FBXW10: variants seen among roughly 807,000 people sequenced by gnomAD.
FBXW10 encodes the protein F-box/WD repeat-containing protein 10.
FBXW10 carries 68 observed loss-of-function variants against 113.1 expected under a neutral mutation model. The observed-to-expected ratio is 0.60, with a 90% CI of 0.49 to 0.74. FBXW10 has a LOEUF of 0.74. Ranked by LOEUF, FBXW10 falls within the 30% of genes least tolerant of loss-of-function variation. The pLI is 0.00. For missense variants in FBXW10, 753 were observed against 1,284.5 expected (o/e 0.59, Z 6.32); for synonymous variants, 289 against 481.6 (o/e 0.60, Z 5.24).
In FBXW10 at chr17:18,757,075, C is replaced by CAT. The variant is rs151027138; in HGVS notation, c.1232+931_1232+932dup. 4.1e-3 allele frequency among the ~76,000 whole-genome samples: 573 copies of CAT among 141,382 alleles called. 3 individuals carry two copies. The highest frequency in any genetic ancestry group is 6.8e-3 in the Non-Finnish European group (439 of 64,512). The allele number at this position is 141,382 out of a possible 152,430, so 92.8% of individuals were successfully genotyped here. The stretch of plus-strand genomic sequence containing the variant: ...ATATGTGTGTACATATACACACACA[C>CAT]ATATATATATACACATATACACATA... On this transcript the variant is annotated intron_variant, in intron 6 of 13. Coordinates refer to ENST00000395665, the MANE Select transcript of FBXW10 (RefSeq NM_001267585.2).
chr17:18,770,166 C>T (rs2035585594), intron 11 of FBXW10, 81 bp downstream of exon 11: 38 of 1,593,268 alleles, frequency 2.4e-5, no homozygotes, highest in Non-Finnish European at 3.3e-5. Flanking sequence ...GGATACCAGC[C>T]CTGGATTTGC....
intron 1 of FBXW10, among the ~76,000 whole-genome samples, chr17:18,747,086 G>A (rs1011296093): frequency 8.4e-4 from 127 of 151,944 alleles, no homozygotes; most frequent in African/African-American, 2.9e-3. Context: ...CACCACGCCC[G>A]GCTAATTTTT....
intron 6 of FBXW10, among the ~76,000 whole-genome samples, chr17:18,756,503 GTA>G (rs2035268295): frequency 6.6e-6 from 1 of 151,944 alleles, no homozygotes; most frequent in Non-Finnish European, 1.5e-5. Context: ...GCCAGAAAAT[GTA>G]TAGAGAAAGG....
intron 7 of FBXW10, among the ~76,000 whole-genome samples, chr17:18,760,671 C>T (rs1472492119): frequency 6.6e-6 from 1 of 151,934 alleles, no homozygotes; most frequent in Non-Finnish European, 1.5e-5. Flanking sequence ...GGCATGGTGG[C>T]ACATGCCTGT....
At chr17:18,756,476 GA>G (rs1178666820) in intron 6 of FBXW10, among the ~76,000 whole-genome samples, 1 of 151,658 alleles carries the variant, frequency 6.6e-6, no homozygotes, top group Admixed American at 6.6e-5. Flanking sequence ...ACGGTTATTG[GA>G]AAAAATCTTT....
At chr17:18,765,015 C>T (rs1389092913) in intron 8 of FBXW10, 152 bp downstream of exon 8, 46 of 1,539,176 alleles carry the variant, frequency 3.0e-5, no homozygotes, top group Non-Finnish European at 3.6e-5. Flanking sequence ...TTCCTTCCTT[C>T]CATCTATCAA....
In FBXW10 at chr17:18,779,206, TG is replaced by T; in HGVS notation, c.3069del (p.Trp1023Ter). 1 of 1,320,216 alleles carries T rather than the reference TG, an allele frequency of 7.6e-7. No individual in the cohort carries two copies. Among genetic ancestry groups the T allele is most frequent in the Non-Finnish European group, 1.1e-6 (1 of 940,852 alleles). The allele number at this position is 1,320,216 out of a possible 1,614,324, so 81.8% of individuals were successfully genotyped here. ...TCCAGGAAAAGTCAGCAAAGCTGCATGGATCAGGAAGATCAAAGGCCTGCCT... is the reference window on the plus strand; with the variant it reads ...TCCAGGAAAAGTCAGCAAAGCTGCATGATCAGGAAGATCAAAGGCCTGCCT... Reference protein sequence around the residue: ...VDPGKVSKAAWIRKIKGLPID... With the variant: ...VDPGKVSKAAXIRKIKGLPID... On this transcript the variant is annotated frameshift_variant, in exon 14 of 14. Transcript: ENST00000395665. LOFTEE classifies it high-confidence loss of function.
chr17:18,749,700 C>T (rs749985513), intron 2 of FBXW10, 22 bp from the exon 3 acceptor site: 1 of 1,613,920 alleles, frequency 6.2e-7, no homozygotes, highest in Non-Finnish European at 8.5e-7. Context: ...CAACCACGTA[C>T]CTTTCTCTGG....
chr17:18,744,827 C>T, intron 1 of FBXW10, 78 bp downstream of exon 1: 1 of 1,559,744 alleles, frequency 6.4e-7, no homozygotes, highest in Non-Finnish European at 8.7e-7. Flanking sequence ...TAAGGAACTG[C>T]AGTTGTAGAC....
rs367784732 is a variant in FBXW10, at chr17:18,770,099, G to T, written c.2006+14G>T. ...TCAGGGCAACAGGTGGGTGGTAGGT[G>T]TGGAGGTCAGAACTGTGAGTGATTC... On this transcript the variant is annotated intron_variant, in intron 11 of 13. Coordinates refer to ENST00000395665, the MANE Select transcript of FBXW10 (RefSeq NM_001267585.2). The T allele has an allele frequency of 1.2e-6, 2 of 1,614,056 alleles. No individual in the cohort carries two copies. The highest frequency in any genetic ancestry group is 1.7e-6 in the Non-Finnish European group (2 of 1,179,978).
chr17:18,771,431 G>GC (rs2035611559), intron 11 of FBXW10, among the ~76,000 whole-genome samples: 2 of 152,168 alleles, frequency 1.3e-5, no homozygotes, highest in Admixed American at 1.3e-4. Context: ...AGGCAGTGCT[G>GC]TGGGGGCACA....
At chr17:18,769,770 T>G (rs1382741700) in intron 10 of FBXW10, 157 bp from the exon 11 acceptor site, 2 of 821,040 alleles carry the variant, frequency 2.4e-6, no homozygotes, top group Non-Finnish European at 3.7e-6. Flanking sequence ...AGAGTGAAAC[T>G]CCATCTCAAA....
At chr17:18,758,570 A>C in intron 7 of FBXW10, 65 bp downstream of exon 7, 1 of 1,600,982 alleles carries the variant, frequency 6.2e-7, no homozygotes, top group Non-Finnish European at 8.5e-7. Flanking sequence ...TCATGGAAGA[A>C]GTGTGCATGC....
intron 11 of FBXW10, among the ~76,000 whole-genome samples, chr17:18,771,198 A>C (rs2035606986): frequency 6.6e-6 from 1 of 152,120 alleles, no homozygotes; most frequent in East Asian, 1.9e-4. Flanking sequence ...ACGTAAGTCT[A>C]AAAGGGATTT....
chr17:18,747,073 C>T lies in FBXW10; in HGVS notation c.506-868C>T, dbSNP rs183875250. Among the ~76,000 whole-genome samples the T allele has an allele frequency of 6.0e-3, 905 of 151,832 alleles. 8 individuals carry two copies. Among genetic ancestry groups the T allele is most frequent in the African/African-American group, 0.021 (867 of 41,414 alleles). On this transcript the variant is annotated intron_variant, in intron 1 of 13. Coordinates refer to ENST00000395665, the MANE Select transcript of FBXW10 (RefSeq NM_001267585.2). ...CCGAGTAGCTGGGACTACAGGTGCC[C>T]GCCACCACGCCCGGCTAATTTTTTT...
At chr17:18,762,647 T>A (rs1343851522) in intron 7 of FBXW10, among the ~76,000 whole-genome samples, 1 of 152,124 alleles carries the variant, frequency 6.6e-6, no homozygotes, top group Non-Finnish European at 1.5e-5. Context: ...TCTTTTCTAA[T>A]GCCTATACCA....
rs773105903 is a variant in FBXW10 at position 18,751,050 on chromosome 17, G to C, written c.1119G>C (p.Thr373=). Residue 373 remains threonine (T), a synonymous_variant, in exon 5 of 14, where the codon ACG becomes ACC. Coordinates refer to ENST00000395665, the MANE Select transcript of FBXW10 (RefSeq NM_001267585.2). ...RVKHPKWKLR[T]KNEYNLWTAY... ...AACATCCGAAGTGGAAGCTGAGAAC[G>C]AAGGTGGGTTCCAACAGCATCTGGG... is the stretch of plus-strand genomic sequence containing the variant. The C allele has an allele frequency of 6.2e-7, 1 of 1,613,878 alleles. No homozygotes were observed. The highest frequency in any genetic ancestry group is 1.3e-5 in the African/African-American group (1 of 74,994).
At chr17:18,752,486 G>A (rs187266678) in intron 5 of FBXW10, among the ~76,000 whole-genome samples, 18 of 152,192 alleles carry the variant, frequency 1.2e-4, no homozygotes, top group Admixed American at 4.6e-4. Context: ...AGGCCGAGGC[G>A]GGCGGATCAC....
At position 18,750,978 on chromosome 17, in the gene FBXW10, T is replaced by C; in HGVS notation, c.1047T>C (p.Ser349=). 1.2e-6 allele frequency: 2 copies of C among 1,614,204 alleles called. No homozygotes were observed. The highest frequency in any genetic ancestry group is 8.5e-7 in the Non-Finnish European group (1 of 1,180,020). The change falls in exon 5 of 14, where the codon TCT becomes TCC. Residue 349 remains serine (S), a synonymous_variant. Transcript: ENST00000395665. The stretch of plus-strand genomic sequence containing the variant: ...ATCCTAATTATGCCAATAAGGTTTC[T>C]ATCCCAGTTCCTAAAATGGTAGATG... ...GIDPNYANKV[S]IPVPKMVDDG...
Sources: gnomAD v4.1 joint callset for allele counts (sites outside exome capture counted in the v4.1 genomes callset) on GRCh38, gnomAD v4.1.1 for gene constraint, MANE v1.5 for transcripts, NCBI Gene and HGNC (gene_info 2026-07-23, HGNC 2026-07-21) for gene names.